The following WDR27 variants were observed in gnomAD, a reference collection of about 807,000 sequenced individuals.
The protein encoded by WDR27 is WD repeat-containing protein 27.
Under a neutral mutation model 114.4 loss-of-function variants are expected in WDR27, and 100 were observed. The ratio of observed to expected loss-of-function variants is 0.87; its 90% CI spans 0.74 to 1.03. The LOEUF is 1.03. Ranked by LOEUF, WDR27 falls within the 50% of genes least tolerant of loss-of-function variation. The probability of loss-of-function intolerance (pLI) is 0.00; values close to 1 mark genes in which losing one functional copy is unlikely to be tolerated. For synonymous variants in WDR27, 449 were observed against 423.1 expected (o/e 1.06, Z -0.75); for missense variants, 1,129 against 1,092.9 (o/e 1.03, Z -0.47).
At chr6:169,462,466 G>A (rs1280899149) in intron 25 of WDR27, among the ~76,000 whole-genome samples, 1 of 144,890 alleles carries the variant, frequency 6.9e-6, no homozygotes, top group Non-Finnish European at 1.5e-5. Flanking sequence ...GAGAGAGGGA[G>A]GGAGGAGAGG....
At chr6:169,588,290 CTT>C (rs1805041522) in intron 23 of WDR27, among the ~76,000 whole-genome samples, 1 of 152,150 alleles carries the variant, frequency 6.6e-6, no homozygotes, top group Non-Finnish European at 1.5e-5. Context: ...TTATATTTCT[CTT>C]GACTGAGAAT....
At chr6:169,560,809 C>T (rs1293267121) in intron 25 of WDR27, among the ~76,000 whole-genome samples, 1 of 152,190 alleles carries the variant, frequency 6.6e-6, no homozygotes, top group African/African-American at 2.4e-5. Context: ...ACGCCCCTCA[C>T]AGAGTGTCAC....
chr6:169,657,112 C>T (rs1824435748), intron 13 of WDR27, among the ~76,000 whole-genome samples: 1 of 152,166 alleles, frequency 6.6e-6, no homozygotes, highest in Non-Finnish European at 1.5e-5. Context: ...CTGCTGGAAA[C>T]CCCCAGCAGC....
In WDR27 at chr6:169,500,566, C is replaced by T. The variant is rs144439991; in HGVS notation, c.2646-42932G>A. ...GAAGGCATCACGCAGAGAGGGCCTG[C>T]GGAGCAGAAGTGGCAGGTAGTGCGC... is the stretch of plus-strand genomic sequence containing the variant. On this transcript the variant is annotated intron_variant, in intron 25 of 25. Coordinates refer to ENST00000448612, the MANE Select transcript of WDR27 (RefSeq NM_182552.5). Among the ~76,000 whole-genome samples, 525 of 152,260 alleles carry T rather than the reference C, an allele frequency of 3.4e-3. 2 individuals carry two copies. Among genetic ancestry groups the T allele is most frequent in the African/African-American group, 0.012 (491 of 41,552 alleles).
At chr6:169,604,481 G>C (rs540982543) in intron 22 of WDR27, among the ~76,000 whole-genome samples, 1 of 152,138 alleles carries the variant, frequency 6.6e-6, no homozygotes, top group African/African-American at 2.4e-5. Context: ...ACAAAGAAAA[G>C]CCCAGGACCA....
chr6:169,687,434 A>G (rs1307538299), intron 2 of WDR27, among the ~76,000 whole-genome samples: 1 of 152,164 alleles, frequency 6.6e-6, no homozygotes, highest in African/African-American at 2.4e-5. Context: ...GAGATTTGAA[A>G]ACATATATCA....
At chr6:169,572,957 A>G (rs374337598) in intron 24 of WDR27, among the ~76,000 whole-genome samples, 1 of 152,286 alleles carries the variant, frequency 6.6e-6, no homozygotes, top group Non-Finnish European at 1.5e-5. Context: ...TCAGTTTGCA[A>G]ATGTCTGTTT....
At chr6:169,468,516 C>T (rs1209318928) in intron 25 of WDR27, among the ~76,000 whole-genome samples, 2 of 152,210 alleles carry the variant, frequency 1.3e-5, no homozygotes, top group Non-Finnish European at 2.9e-5. Context: ...TACTTGCTAT[C>T]ATGAGAATAG....
chr6:169,477,157 A>T (rs1787289838), intron 25 of WDR27, among the ~76,000 whole-genome samples: 3 of 152,360 alleles, frequency 2.0e-5, no homozygotes, highest in South Asian at 2.1e-4. Flanking sequence ...AGATTTTCTG[A>T]TGCTTAGCTG....
At chr6:169,619,683 G>C (rs1378893646) in intron 21 of WDR27, among the ~76,000 whole-genome samples, 1 of 152,194 alleles carries the variant, frequency 6.6e-6, no homozygotes, top group African/African-American at 2.4e-5. Flanking sequence ...GGGATCAATA[G>C]AAAGGAAATG....
chr6:169,466,126 G>T (rs1368030486), intron 25 of WDR27, among the ~76,000 whole-genome samples: 2 of 152,292 alleles, frequency 1.3e-5, no homozygotes, highest in East Asian at 3.9e-4. Context: ...CAGAACATGG[G>T]TCTCTTGCCC....
chr6:169,601,812 A>G (rs73037202), intron 23 of WDR27, among the ~76,000 whole-genome samples: 1,684 of 152,360 alleles, frequency 0.011, 21 homozygotes, highest in Non-Finnish European at 0.018. Flanking sequence ...GGGCAGTTCC[A>G]TTAATATAAG....
intron 25 of WDR27, among the ~76,000 whole-genome samples, chr6:169,563,878 G>T (rs1800035628): frequency 6.6e-6 from 1 of 152,176 alleles, no homozygotes; most frequent in African/African-American, 2.4e-5. Flanking sequence ...TCACATCCGT[G>T]ACATGATCCA....
chr6:169,696,280 G>A (rs1311652463), intron 1 of WDR27, among the ~76,000 whole-genome samples: 1 of 152,184 alleles, frequency 6.6e-6, no homozygotes, highest in Non-Finnish European at 1.5e-5. Context: ...GGTGACCCAA[G>A]GGTTGAGATG....
In WDR27 at chr6:169,641,856, G is replaced by A. The variant is rs538265055; in HGVS notation, c.1747+1841C>T. Among the ~76,000 whole-genome samples, 585 of 152,390 alleles carry A rather than the reference G, an allele frequency of 3.8e-3. 5 individuals are homozygous for A. The highest frequency in any genetic ancestry group is 0.013 in the African/African-American group (560 of 41,602). On this transcript the variant is annotated intron_variant, in intron 17 of 25. Transcript: ENST00000448612. ...TCCAGGGCGCGTCACAGATGACGCAGCTCTCCCGCGCAGCGCGCTCAGAAG... is the reference window on the plus strand; with the variant it reads ...TCCAGGGCGCGTCACAGATGACGCAACTCTCCCGCGCAGCGCGCTCAGAAG...
At chr6:169,520,859 G>A (rs1292756220) in intron 25 of WDR27, among the ~76,000 whole-genome samples, 2 of 152,064 alleles carry the variant, frequency 1.3e-5, no homozygotes, top group African/African-American at 4.8e-5. Context: ...AAAATGAAAA[G>A]CAATGAAGAA....
intron 23 of WDR27, among the ~76,000 whole-genome samples, chr6:169,600,115 T>C (rs1807653693): frequency 6.6e-6 from 1 of 152,228 alleles, no homozygotes; most frequent in South Asian, 2.1e-4. Flanking sequence ...GTTCGCACTG[T>C]GGTCTGAGAG....
In WDR27 at chr6:169,542,517, C is replaced by A. The variant is rs77037602; in HGVS notation, c.2645+29902G>T. Among the ~76,000 whole-genome samples, 495 of 152,012 alleles carry A rather than the reference C, an allele frequency of 3.3e-3. 6 individuals carry two copies. Among genetic ancestry groups the A allele is most frequent in the East Asian group, 0.03 (154 of 5,172 alleles). The stretch of plus-strand genomic sequence containing the variant: ...AAGGCTTAGAATTTATTCCAAGAGA[C>A]TAAGACAAAATAACTAAATGAAATG... On this transcript the variant is annotated intron_variant, in intron 25 of 25. Coordinates refer to ENST00000448612, the MANE Select transcript of WDR27 (RefSeq NM_182552.5).
chr6:169,655,571 C>T (rs570699319), intron 13 of WDR27, among the ~76,000 whole-genome samples: 13 of 152,286 alleles, frequency 8.5e-5, no homozygotes, highest in Admixed American at 2.0e-4. Flanking sequence ...AAGAATATTA[C>T]TCTACATATA....
Sources: gnomAD v4.1 joint callset for allele counts (sites outside exome capture counted in the v4.1 genomes callset) on GRCh38, gnomAD v4.1.1 for gene constraint, MANE v1.5 for transcripts, NCBI Gene and HGNC (gene_info 2026-07-23, HGNC 2026-07-21) for gene names.